The following ERC1 variants were observed in gnomAD, a reference collection of about 807,000 sequenced individuals.
The protein encoded by ERC1 is RAB6 interacting protein 2.
A neutral mutation model predicts 132.0 loss-of-function variants in ERC1; 56 were observed. The observed-to-expected ratio is 0.42, with a 90% CI of 0.34 to 0.53. The LOEUF is 0.53. Among genes scored for constraint, ERC1 ranks in the 20% least tolerant of loss-of-function variants. The pLI is 0.03. For missense variants in ERC1, 1,202 were observed against 1,349.9 expected, an observed-to-expected ratio of 0.89 and a Z score of 1.72; for synonymous variants, 478 against 476.1, an observed-to-expected ratio of 1.00 and a Z score of -0.05.
At position 1,000,243 on chromosome 12, in the gene ERC1, G is replaced by A. The variant is rs945297114; in HGVS notation, c.-157+8921G>A. On this transcript the variant is annotated intron_variant, in intron 1 of 18. Coordinates refer to ENST00000360905, the MANE Select transcript of ERC1 (RefSeq NM_178040.4). ...CTCACGCCTGTAATCCTAGCACTTTGGCAGACTGAGGTGGGTGGATCACTT... is the reference window on the plus strand; with the variant it reads ...CTCACGCCTGTAATCCTAGCACTTTAGCAGACTGAGGTGGGTGGATCACTT... 2.0e-5 allele frequency among the ~76,000 whole-genome samples: 3 copies of A among 152,090 alleles called. No individual in the cohort carries two copies. In the East Asian group the frequency reaches 5.8e-4, roughly 29 times the overall value.
In ERC1 at chr12:1,302,030, C is replaced by T. The variant is rs562896921; in HGVS notation, c.2780+12018C>T. Among the ~76,000 whole-genome samples, 8 of 152,248 alleles carry T rather than the reference C, an allele frequency of 5.3e-5. No homozygotes were observed. In the South Asian group the frequency reaches 1.2e-3, roughly 24 times the overall value. On this transcript the variant is annotated intron_variant, in intron 15 of 18. Transcript: ENST00000360905. ...TAGAATTGTGACCCTCCTGCCTAAA[C>T]TTGACAAAGACATTGCAAAAGAATA...
At chr12:1,295,544 C>T (rs2079852576) in intron 15 of ERC1, among the ~76,000 whole-genome samples, 2 of 151,930 alleles carry the variant, frequency 1.3e-5, no homozygotes, top group South Asian at 4.2e-4. Flanking sequence ...AGTTCCAACC[C>T]AGTCAACATG....
Position 1,121,937 on chromosome 12 carries a change from A to ATC in ERC1, c.1569+5906_1569+5907dup, listed in dbSNP as rs766220610. On this transcript the variant is annotated intron_variant, in intron 7 of 18. Transcript: ENST00000360905. ...TATCTCTATCTCTATCTGTGTCTCT[A>ATC]TCTATCTCTATCTCTATCTCTATCT... Among the ~76,000 whole-genome samples, 15 of 1,032 alleles carry ATC rather than the reference A, an allele frequency of 0.015. 4 individuals carry two copies. In the South Asian group the frequency reaches 0.75, roughly 52 times the overall value. 0.7% of individuals were successfully genotyped at this position (1,032 alleles called of 152,430 possible). A position where few individuals can be genotyped will look rare whatever the true frequency, so the allele number is the denominator to read the frequency against.
intron 13 of ERC1, among the ~76,000 whole-genome samples, chr12:1,252,502 C>T (rs2076530799): frequency 1.3e-5 from 2 of 152,150 alleles, no homozygotes; most frequent in Non-Finnish European, 2.9e-5. Context: ...AAGATGAGAC[C>T]CTTCCCAGTC....
Position 1,188,373 on chromosome 12 carries a change from ATATATT to A in ERC1, c.2158-1481_2158-1476del, listed in dbSNP as rs149125063. Among the ~76,000 whole-genome samples, 510 of 152,058 alleles carry A rather than the reference ATATATT, an allele frequency of 3.4e-3. 4 individuals carry two copies. Among genetic ancestry groups the A allele is most frequent in the African/African-American group, 0.011 (462 of 41,454 alleles). ...TCTTCCCTCTCTCCTTTTCTATTAG[ATATATT>A]TATAGCCTTCTCCTGCCCATGAAGG... On this transcript the variant is annotated intron_variant, in intron 11 of 18. Transcript: ENST00000360905.
intron 1 of ERC1, among the ~76,000 whole-genome samples, chr12:1,006,241 A>C (rs1434486485): frequency 2.0e-5 from 3 of 152,096 alleles, no homozygotes; most frequent in East Asian, 3.9e-4. Context: ...ACAGGCATGA[A>C]CCACTGCACC....
chr12:1,424,858 A>ATAGCTAGC (rs1228039902), intron 17 of ERC1, among the ~76,000 whole-genome samples: 9 of 118,826 alleles, frequency 7.6e-5, no homozygotes, highest in African/African-American at 3.1e-4. Context: ...AGATAGATAG[A>ATAGCTAGC]TAGATCGATA....
intron 7 of ERC1, among the ~76,000 whole-genome samples, chr12:1,122,483 C>A (rs373943384): frequency 4.8e-5 from 1 of 20,710 alleles, no homozygotes; most frequent in South Asian, 1.5e-3. Context: ...GTGTCTCTAT[C>A]TCTATCTCTA....
At chr12:1,213,515 T>A (rs572080285) in intron 12 of ERC1, among the ~76,000 whole-genome samples, 1 of 152,094 alleles carries the variant, frequency 6.6e-6, no homozygotes, top group South Asian at 2.1e-4. Flanking sequence ...GGTGGGCGGA[T>A]CACTCAAGCT....
At chr12:1,452,388 A>G (rs2093443842) in intron 18 of ERC1, among the ~76,000 whole-genome samples, 2 of 152,080 alleles carry the variant, frequency 1.3e-5, no homozygotes, top group South Asian at 4.1e-4. Flanking sequence ...GTTTTCAACC[A>G]TTTGATGATA....
chr12:1,021,534 C>T (rs559389807), intron 1 of ERC1, among the ~76,000 whole-genome samples: 1 of 151,788 alleles, frequency 6.6e-6, no homozygotes, highest in East Asian at 2.0e-4. Context: ...CCCGTATCTA[C>T]TAAAAATACA....
At chr12:1,047,266 G>A (rs1003757506) in intron 2 of ERC1, among the ~76,000 whole-genome samples, 5 of 152,032 alleles carry the variant, frequency 3.3e-5, no homozygotes, top group Non-Finnish European at 7.4e-5. Context: ...TTCTTAAGGA[G>A]CATAAGGCAT....
chr12:1,057,519 T>G (rs910251299), intron 2 of ERC1, among the ~76,000 whole-genome samples: 5 of 151,532 alleles, frequency 3.3e-5, no homozygotes, highest in African/African-American at 1.2e-4. Context: ...ATTATGACTT[T>G]TATTGTACTT....
At chr12:1,263,924 A>C (rs2077305026) in intron 14 of ERC1, among the ~76,000 whole-genome samples, 1 of 151,994 alleles carries the variant, frequency 6.6e-6, no homozygotes, top group Non-Finnish European at 1.5e-5. Context: ...TCCTGACCTC[A>C]GGTGATCCAC....
intron 12 of ERC1, among the ~76,000 whole-genome samples, chr12:1,191,080 G>C (rs1955682560): frequency 6.6e-6 from 1 of 152,156 alleles, no homozygotes. Context: ...AACCTTCACA[G>C]TTCTCCTTCA....
chr12:1,313,378 C>T lies in ERC1; in HGVS notation c.2780+23366C>T, dbSNP rs569322977. On this transcript the variant is annotated intron_variant, in intron 15 of 18. Coordinates refer to ENST00000360905, the MANE Select transcript of ERC1 (RefSeq NM_178040.4). ...CACGTTTTAGTTGGGCAGTGACTAT[C>T]CAGTGCAAAATCCAGATTCCGTTAG... 3.7e-4 allele frequency among the ~76,000 whole-genome samples: 56 copies of T among 152,174 alleles called. No homozygotes were observed. The South Asian group carries it at 0.011, about 31-fold the overall frequency.
intron 8 of ERC1, among the ~76,000 whole-genome samples, chr12:1,168,696 A>G (rs113958559): frequency 7.6e-4 from 115 of 152,172 alleles, no homozygotes; most frequent in African/African-American, 2.6e-3. Flanking sequence ...CATGTTGGTC[A>G]GGCTGGTCTT....
intron 14 of ERC1, 134 bp from the exon 15 acceptor site, chr12:1,289,718 A>G: frequency 1.6e-6 from 1 of 639,388 alleles, no homozygotes. Context: ...TAACTGATCC[A>G]GAAAGAGTAC....
chr12:1,234,971 C>G (rs901270789), intron 12 of ERC1, among the ~76,000 whole-genome samples: 1 of 152,114 alleles, frequency 6.6e-6, no homozygotes, highest in Non-Finnish European at 1.5e-5. Flanking sequence ...ACAAAGTTAA[C>G]GTCGTTTTAG....
Sources: allele counts gnomAD v4.1 joint callset (sites outside exome capture counted in the v4.1 genomes callset), GRCh38; gene constraint gnomAD v4.1.1; transcripts MANE v1.5; gene names NCBI Gene and HGNC (gene_info 2026-07-23, HGNC 2026-07-21).